Variants in ZNF652 observed in about 807,000 individuals in gnomAD.
The protein encoded by ZNF652 is zinc finger protein 652.
Under a neutral mutation model 45.2 loss-of-function variants are expected in ZNF652, and 16 were observed. The ratio of observed to expected loss-of-function variants is 0.35; its 90% confidence interval spans 0.24 to 0.54. The LOEUF (loss-of-function observed/expected upper bound fraction) is 0.54, where lower values mean the gene tolerates loss of function less well. Among genes scored for constraint, ZNF652 ranks in the 20% least tolerant of loss-of-function variants. The pLI is 0.91. For missense variants in ZNF652, 614 were observed against 765.6 expected, an observed-to-expected ratio of 0.80 and a Z score of 2.34; for synonymous variants, 250 against 260.6, an observed-to-expected ratio of 0.96 and a Z score of 0.39.
intron 1 of ZNF652, among the ~76,000 whole-genome samples, chr17:49,342,494 T>C (rs778674208): frequency 9.5e-5 from 13 of 137,342 alleles, no homozygotes; most frequent in Non-Finnish European, 1.2e-4. Flanking sequence ...TTTGTTGCCC[T>C]CAAGGGATCT....
chr17:49,362,221 G>A lies in ZNF652; in HGVS notation c.-571C>T, dbSNP rs1399397423. 6.6e-6 allele frequency: 1 copy of A among 150,744 alleles called. No homozygotes were observed. Among genetic ancestry groups the A allele is most frequent in the African/African-American group, 2.4e-5 (1 of 41,170 alleles). The allele number at this position is 150,744 out of a possible 1,614,324, so 9.3% of individuals were successfully genotyped here. On this transcript the variant is annotated 5_prime_UTR_variant, in exon 1 of 6. Transcript: ENST00000430262. ...AGGGGGTGTGCGTGTGTGGATGTGT[G>A]TGCCGGAGGGGGCAGGGAGGGAGGC... is the stretch of plus-strand genomic sequence containing the variant.
chr17:49,299,448 T>C (rs1239622660), intron 5 of ZNF652, among the ~76,000 whole-genome samples: 1 of 152,168 alleles, frequency 6.6e-6, no homozygotes, highest in Non-Finnish European at 1.5e-5. Flanking sequence ...TGGTGCAATC[T>C]TGGCTCACTG....
intron 1 of ZNF652, among the ~76,000 whole-genome samples, chr17:49,353,372 G>A (rs1016520845): frequency 6.6e-6 from 1 of 152,078 alleles, no homozygotes; most frequent in African/African-American, 2.4e-5. Flanking sequence ...GTCTGACTAT[G>A]TTGCTTGGGA....
At chr17:49,362,269 GCCCGCGCGCGCCCGC>G (rs1567705545), upstream of ZNF652, 1 of 137,528 alleles carries the variant, frequency 7.3e-6, no homozygotes, top group East Asian at 2.0e-4. Flanking sequence ...GGACGCGCGC[GCCCGCGCGCGCCCGC>G]GGCCCCTTCC....
At chr17:49,321,356 C>T (rs537699374) in intron 1 of ZNF652, among the ~76,000 whole-genome samples, 3 of 151,372 alleles carry the variant, frequency 2.0e-5, no homozygotes, top group African/African-American at 7.3e-5. Context: ...CTCTGCCTCC[C>T]GGGTTCAAGT....
At position 49,296,852 on chromosome 17, in the gene ZNF652, T is replaced by C. The variant is rs2069484034; in HGVS notation, c.*1561A>G. ...CTATACTGAGTCTGGATAAATATGATCTGTTAAGTGTAATCAATACACTAG... is the reference window on the plus strand; with the variant it reads ...CTATACTGAGTCTGGATAAATATGACCTGTTAAGTGTAATCAATACACTAG... On this transcript the variant is annotated 3_prime_UTR_variant, in exon 6 of 6. Transcript: ENST00000430262. 1 of 152,186 alleles carries C rather than the reference T, an allele frequency of 6.6e-6. No individual in the cohort carries two copies. Among genetic ancestry groups the C allele is most frequent in the South Asian group, 2.1e-4 (1 of 4,826 alleles). 9.4% of individuals were successfully genotyped at this position (152,186 alleles called of 1,614,324 possible). A position where few individuals can be genotyped will look rare whatever the true frequency, so the allele number is the denominator to read the frequency against.
At position 49,298,232 on chromosome 17, in the gene ZNF652, T is replaced by G. The variant is rs1173639423; in HGVS notation, c.*181A>C. ...TTCCCCTGGTTTAGATGACAGTCCC[T>G]CTGTGAGCTCAAGGTAGTCTTCTTG... On this transcript the variant is annotated 3_prime_UTR_variant, in exon 6 of 6. Coordinates refer to ENST00000430262, the MANE Select transcript of ZNF652 (RefSeq NM_001145365.3). 2.6e-6 allele frequency: 2 copies of G among 756,658 alleles called. No homozygotes were observed. Among genetic ancestry groups the G allele is most frequent in the African/African-American group, 3.5e-5 (2 of 56,588 alleles). The allele number at this position is 756,658 out of a possible 1,614,324, so 46.9% of individuals were successfully genotyped here. A position where few individuals can be genotyped will look rare whatever the true frequency, so the allele number is the denominator to read the frequency against.
At chr17:49,323,959 G>A (rs1038491052) in intron 1 of ZNF652, among the ~76,000 whole-genome samples, 1 of 152,058 alleles carries the variant, frequency 6.6e-6, no homozygotes, top group African/African-American at 2.4e-5. Context: ...TGAACAAGGT[G>A]GCTTCACCTT....
chr17:49,317,281 T>C lies in ZNF652; in HGVS notation c.445A>G (p.Thr149Ala). The change falls in exon 2 of 6, where the codon ACA (threonine) becomes GCA (alanine). Residue 149 changes from threonine to alanine, a missense_variant. Around this residue, in one of 5 missense-constraint regions of ZNF652, gnomAD observed 262 missense variants for 306.3 expected, o/e 0.86. Coordinates refer to ENST00000430262, the MANE Select transcript of ZNF652 (RefSeq NM_001145365.3). ...TCTTCCTCTTCCTCCTCACTGCTTG[T>C]CTTAAGAACAGGAGTCTCTTTGGAC... is the stretch of plus-strand genomic sequence containing the variant. ...SQSKETPVLK[T>A]SSEEEEEESE... 6.2e-7 allele frequency: 1 copy of C among 1,612,920 alleles called. No homozygotes were observed. The highest frequency in any genetic ancestry group is 8.5e-7 in the Non-Finnish European group (1 of 1,180,012).
chr17:49,299,052 G>A (rs2069516149), intron 5 of ZNF652, 128 bp from the exon 6 acceptor site: 6 of 1,020,774 alleles, frequency 5.9e-6, no homozygotes, highest in Admixed American at 2.9e-5. Context: ...CTGGCCTCAA[G>A]TGATCCTCCC....
At chr17:49,304,959 C>T (rs1348897118) in intron 5 of ZNF652, among the ~76,000 whole-genome samples, 1 of 151,924 alleles carries the variant, frequency 6.6e-6, no homozygotes, top group Non-Finnish European at 1.5e-5. Flanking sequence ...TGAAATCTTT[C>T]TTGAACTTTA....
chr17:49,353,936 G>A lies in ZNF652; in HGVS notation c.-259+7973C>T, dbSNP rs571817851. Among the ~76,000 whole-genome samples the A allele has an allele frequency of 3.3e-5, 5 of 152,160 alleles. No homozygotes were observed. The East Asian group carries it at 9.6e-4, about 29-fold the overall frequency. ...CTTACAAACATAAATCATCTTTAAA[G>A]AAATAAAAAATATCTTAAAAAATCT... On this transcript the variant is annotated intron_variant, in intron 1 of 5. Coordinates refer to ENST00000430262, the MANE Select transcript of ZNF652 (RefSeq NM_001145365.3).
intron 2 of ZNF652, among the ~76,000 whole-genome samples, chr17:49,316,024 T>C (rs2069799101): frequency 6.6e-6 from 1 of 152,218 alleles, no homozygotes; most frequent in South Asian, 2.1e-4. Context: ...TTACATATCT[T>C]ATGGAGACAT....
At chr17:49,336,425 G>A (rs1296703385) in intron 1 of ZNF652, among the ~76,000 whole-genome samples, 1 of 150,808 alleles carries the variant, frequency 6.6e-6, no homozygotes, top group Non-Finnish European at 1.5e-5. Flanking sequence ...TACCTCCCAG[G>A]TTCAAGTGAT....
intron 2 of ZNF652, 56 bp downstream of exon 2, chr17:49,316,770 A>C (rs973792571): frequency 3.3e-6 from 5 of 1,527,642 alleles, no homozygotes; most frequent in Non-Finnish European, 3.5e-6. Flanking sequence ...TACCAGATGA[A>C]TCTGAACAGC....
rs368278175 is a variant in ZNF652, at chr17:49,317,550, T to C, written c.176A>G (p.Tyr59Cys). The C allele has an allele frequency of 1.9e-6, 3 of 1,614,042 alleles. No individual in the cohort carries two copies. The African/African-American group carries it at 4.0e-5, about 22-fold the overall frequency. The change falls in exon 2 of 6, where the codon TAT (tyrosine) becomes TGT (cysteine). Residue 59 changes from tyrosine to cysteine, a missense_variant. Coordinates refer to ENST00000430262, the MANE Select transcript of ZNF652 (RefSeq NM_001145365.3). ...CATCTTGGTGTCCACTAACACAGAA[T>C]AAGGACTTCCTGATTCCCTTTTGTA... ...KVYKRESGSPYSVLVDTKMSK... is the reference protein window; with the variant it reads ...KVYKRESGSPCSVLVDTKMSK...
At chr17:49,299,371 G>A (rs2069521362) in intron 5 of ZNF652, among the ~76,000 whole-genome samples, 1 of 152,044 alleles carries the variant, frequency 6.6e-6, no homozygotes, top group African/African-American at 2.4e-5. Context: ...TAATCTGTAA[G>A]AAATTTTTTT....
At chr17:49,341,187 T>C (rs185970480) in intron 1 of ZNF652, among the ~76,000 whole-genome samples, 4 of 151,996 alleles carry the variant, frequency 2.6e-5, no homozygotes, top group East Asian at 1.9e-4. Context: ...CACTGTACTC[T>C]AGACTGGGTG....
At chr17:49,347,321 T>C (rs2070214787) in intron 1 of ZNF652, among the ~76,000 whole-genome samples, 1 of 152,180 alleles carries the variant, frequency 6.6e-6, no homozygotes, top group African/African-American at 2.4e-5. Context: ...TCCCAACACT[T>C]TGGAAGGCCA....
Sources: allele counts gnomAD v4.1 joint callset (sites outside exome capture counted in the v4.1 genomes callset), GRCh38; gene constraint gnomAD v4.1.1; regional missense constraint gnomAD v4.1.1; transcripts MANE v1.5; gene names NCBI Gene and HGNC (gene_info 2026-07-23, HGNC 2026-07-21).